The following AGTPBP1 variants were observed in gnomAD, a reference collection of about 807,000 sequenced individuals.
AGTPBP1 encodes cytosolic carboxypeptidase 1.
AGTPBP1 carries 70 observed loss-of-function variants against 143.9 expected under a neutral mutation model. The observed-to-expected ratio is 0.49, with a 90% CI of 0.40 to 0.59. AGTPBP1 has a LOEUF of 0.59. AGTPBP1 is among the 20% of genes least tolerant of loss of function. AGTPBP1 has a pLI of 0.00. For synonymous variants in AGTPBP1, 463 were observed against 500.2 expected, an observed-to-expected ratio of 0.93 and a Z score of 0.99; for missense variants, 1,229 against 1,464.5, an observed-to-expected ratio of 0.84 and a Z score of 2.62.
intron 23 of AGTPBP1, among the ~76,000 whole-genome samples, chr9:85,582,403 G>A (rs534957038): frequency 7.9e-5 from 12 of 152,234 alleles, no homozygotes; most frequent in East Asian, 7.7e-4. Context: ...TAGGCTGGGC[G>A]CGATGGCTCA....
intron 6 of AGTPBP1, among the ~76,000 whole-genome samples, chr9:85,676,667 T>C (rs1447264828): frequency 6.6e-6 from 1 of 152,158 alleles, no homozygotes; most frequent in Non-Finnish European, 1.5e-5. Context: ...TACCAGATGA[T>C]CTAGCAGTCC....
intron 17 of AGTPBP1, among the ~76,000 whole-genome samples, chr9:85,607,999 A>G (rs1830089558): frequency 6.6e-6 from 1 of 152,044 alleles, no homozygotes. Context: ...TCAGAATTTG[A>G]TTTTTCATCC....
rs770332799 is a variant in AGTPBP1, at chr9:85,547,262, T to G, written c.3528A>C (p.Glu1176Asp). ...VTSPTTYVLD[E>D]DEPRFLEEVD... ...CTTCTTCAAGGAATCGAGGTTCATC[T>G]TCATCCAAGACATAAGTGGTAGGGC... is the stretch of plus-strand genomic sequence containing the variant. The change falls in exon 26 of 26, where the codon GAA becomes GAC. Residue 1176 changes from glutamate (E) to aspartate (D), a missense_variant. Around this residue, in one of 2 missense-constraint regions of AGTPBP1, gnomAD observed 486 missense variants for 652.3 expected, o/e 0.75. Coordinates refer to ENST00000357081, the MANE Select transcript of AGTPBP1 (RefSeq NM_001330701.2). The G allele has an allele frequency of 2.6e-5, 42 of 1,612,132 alleles. No homozygotes were observed. The highest frequency in any genetic ancestry group is 3.6e-5 in the Non-Finnish European group (42 of 1,179,408).
chr9:85,735,357 T>TG (rs1839174941), intron 1 of AGTPBP1, among the ~76,000 whole-genome samples: 1 of 152,110 alleles, frequency 6.6e-6, no homozygotes, highest in South Asian at 2.1e-4. Context: ...AATAGAACAG[T>TG]GCCTGCCAGG....
At chr9:85,673,503 A>C (rs946144794) in intron 6 of AGTPBP1, among the ~76,000 whole-genome samples, 11 of 152,212 alleles carry the variant, frequency 7.2e-5, no homozygotes, top group African/African-American at 2.4e-4. Context: ...TTACCAAATA[A>C]ATTTCTAAAG....
chr9:85,550,112 C>T (rs1470369355), intron 25 of AGTPBP1, among the ~76,000 whole-genome samples: 1 of 151,878 alleles, frequency 6.6e-6, no homozygotes, highest in Non-Finnish European at 1.5e-5. Flanking sequence ...ATTAGTCAGG[C>T]TGAGTGTGCA....
the AGTPBP1 span, among the ~76,000 whole-genome samples, chr9:85,750,209 T>C: frequency 6.6e-6 from 1 of 152,086 alleles, no homozygotes; most frequent in Non-Finnish European, 1.5e-5. Flanking sequence ...TAGTAGAGAG[T>C]CAACTCCAAG....
chr9:85,577,069 CTG>C (rs1827942372), intron 24 of AGTPBP1, among the ~76,000 whole-genome samples: 1 of 151,880 alleles, frequency 6.6e-6, no homozygotes, highest in Non-Finnish European at 1.5e-5. Flanking sequence ...TTTTAAAAAT[CTG>C]TGTTTTTAAA....
chr9:85,776,352 C>G, the AGTPBP1 span, among the ~76,000 whole-genome samples: 3 of 152,192 alleles, frequency 2.0e-5, no homozygotes, highest in Non-Finnish European at 4.4e-5. Flanking sequence ...TGATGACCAC[C>G]TTCTTCTGCT....
At chr9:85,662,796 G>C (rs1430849817) in intron 8 of AGTPBP1, among the ~76,000 whole-genome samples, 1 of 152,144 alleles carries the variant, frequency 6.6e-6, no homozygotes, top group Non-Finnish European at 1.5e-5. Context: ...AGAAATGTCA[G>C]TCTCCCTTTG....
At chr9:85,562,832 T>G (rs1450926905) in intron 25 of AGTPBP1, among the ~76,000 whole-genome samples, 2 of 152,158 alleles carry the variant, frequency 1.3e-5, no homozygotes, top group Admixed American at 6.5e-5. Flanking sequence ...CCCCCTCCCA[T>G]CCCAATTCAT....
Position 85,656,044 on chromosome 9 carries a change from G to T in AGTPBP1, c.910-724C>A, listed in dbSNP as rs576163221. ...AGGTTTCACCATGTTAGCCAGGATG[G>T]TCTCGATCTTCTGACCTCGTGATCC... On this transcript the variant is annotated intron_variant, in intron 10 of 25. Coordinates refer to ENST00000357081, the MANE Select transcript of AGTPBP1 (RefSeq NM_001330701.2). Among the ~76,000 whole-genome samples the T allele has an allele frequency of 2.0e-5, 3 of 152,244 alleles. No individual in the cohort carries two copies. In the East Asian group the frequency reaches 5.8e-4, roughly 29 times the overall value.
chr9:85,731,703 G>C (rs753608275), intron 1 of AGTPBP1, among the ~76,000 whole-genome samples: 8 of 151,918 alleles, frequency 5.3e-5, no homozygotes, highest in Non-Finnish European at 1.0e-4. Context: ...TTCCACCTTG[G>C]CCTCCCAAAG....
intron 2 of AGTPBP1, among the ~76,000 whole-genome samples, chr9:85,710,192 C>G (rs986544527): frequency 1.3e-5 from 2 of 152,012 alleles, no homozygotes; most frequent in African/African-American, 4.8e-5. Context: ...ATATTCTACA[C>G]TCATTTTCTT....
intron 1 of AGTPBP1, among the ~76,000 whole-genome samples, chr9:85,738,355 A>G (rs1370887888): frequency 6.6e-6 from 1 of 152,168 alleles, no homozygotes; most frequent in Non-Finnish European, 1.5e-5. Flanking sequence ...AAATTATATG[A>G]AAGCTGAAAA....
At chr9:85,725,973 C>T (rs182127011) in intron 1 of AGTPBP1, among the ~76,000 whole-genome samples, 51 of 148,936 alleles carry the variant, frequency 3.4e-4, no homozygotes, top group Admixed American at 2.6e-3. Flanking sequence ...TGCCTGAACC[C>T]AGGAGGCAGA....
At chr9:85,754,740 A>G in the AGTPBP1 span, among the ~76,000 whole-genome samples, 88 of 152,248 alleles carry the variant, frequency 5.8e-4, no homozygotes, top group African/African-American at 2.0e-3. Flanking sequence ...TAAATTTTAC[A>G]TTACATTTTC....
chr9:85,602,646 C>T (rs1025917346), intron 17 of AGTPBP1, among the ~76,000 whole-genome samples: 1 of 152,092 alleles, frequency 6.6e-6, no homozygotes, highest in African/African-American at 2.4e-5. Context: ...TGATCACCGC[C>T]CCCCACTCCA....
At chr9:85,726,088 A>C (rs1838466165) in intron 1 of AGTPBP1, among the ~76,000 whole-genome samples, 2 of 145,866 alleles carry the variant, frequency 1.4e-5, no homozygotes, top group East Asian at 4.1e-4. Context: ...AAAAATAGCC[A>C]GTGTGGTGGC....
Sources: gnomAD v4.1 joint callset for allele counts (sites outside exome capture counted in the v4.1 genomes callset) on GRCh38, gnomAD v4.1.1 for gene constraint, gnomAD v4.1.1 regional missense constraint, MANE v1.5 for transcripts, NCBI Gene and HGNC (gene_info 2026-07-23, HGNC 2026-07-21) for gene names.